Variants in IGF1 observed in about 807,000 individuals in gnomAD.
IGF1 encodes the protein insulin-like growth factor 1.
IGF1 carries 4 observed loss-of-function variants against 13.8 expected under a neutral mutation model. The observed-to-expected ratio is 0.29, with a 90% CI of 0.14 to 0.66. The LOEUF (loss-of-function observed/expected upper bound fraction) is 0.66, where lower values mean the gene tolerates loss of function less well. Ranked by LOEUF, IGF1 falls within the 30% of genes least tolerant of loss-of-function variation. The pLI is 0.78. For synonymous variants in IGF1, 76 were observed against 72.6 expected, an observed-to-expected ratio of 1.05 and a Z score of -0.23; for missense variants, 124 against 188.5, an observed-to-expected ratio of 0.66 and a Z score of 2.00.
intron 2 of IGF1, among the ~76,000 whole-genome samples, chr12:102,452,545 T>TTTG (rs755157297): frequency 8.5e-5 from 13 of 152,170 alleles, no homozygotes; most frequent in Non-Finnish European, 1.6e-4. Context: ...TCTGTAACAC[T>TTTG]CAATCTGTGT....
At chr12:102,405,775 C>T (rs935416734) in intron 3 of IGF1, among the ~76,000 whole-genome samples, 2 of 152,180 alleles carry the variant, frequency 1.3e-5, no homozygotes, top group African/African-American at 4.8e-5. Flanking sequence ...TCCATTCTTC[C>T]TCTCAAGCCA....
intron 2 of IGF1, among the ~76,000 whole-genome samples, chr12:102,441,957 T>TCTTCTTCTTCTTCTTCTTCTTCTTCC (rs71438463): frequency 7.4e-6 from 1 of 134,678 alleles, no homozygotes; most frequent in African/African-American, 2.7e-5. Context: ...TTCTTCTTCT[T>TCTTCTTCTTCTTCTTCTTCTTCTTCC]TTTTTTTTTT....
At chr12:102,474,999 C>T (rs1165946283) in intron 2 of IGF1, among the ~76,000 whole-genome samples, 3 of 152,106 alleles carry the variant, frequency 2.0e-5, no homozygotes, top group Non-Finnish European at 4.4e-5. Flanking sequence ...CGGAGAAGAA[C>T]TATGCCAAAA....
chr12:102,475,755 C>T lies in IGF1; in HGVS notation c.108G>A (p.Ala36=), dbSNP rs371125874. Residue 36 remains alanine, a synonymous_variant, in exon 2 of 4, where the codon GCG becomes GCA. Coordinates refer to ENST00000337514, the MANE Select transcript of IGF1 (RefSeq NM_000618.5). ...TMSSSHLFYL[A]LCLLTFTSSA... ...AGCTGGTGAAGGTGAGCAGGCACAGCGCCAGGTAGAAGAGATGCGAGGAGG... is the reference window on the plus strand; with the variant it reads ...AGCTGGTGAAGGTGAGCAGGCACAGTGCCAGGTAGAAGAGATGCGAGGAGG... The T allele has an allele frequency of 2.7e-5, 43 of 1,614,028 alleles. No homozygotes were observed. The highest frequency in any genetic ancestry group is 6.7e-5 in the East Asian group (3 of 44,890).
At chr12:102,476,685 A>G (rs1442854004) in intron 1 of IGF1, among the ~76,000 whole-genome samples, 2 of 152,196 alleles carry the variant, frequency 1.3e-5, no homozygotes, top group African/African-American at 4.8e-5. Flanking sequence ...TAGTCACAGG[A>G]ATTATGGCTT....
At chr12:102,407,369 T>C (rs1410290449) in intron 3 of IGF1, among the ~76,000 whole-genome samples, 1 of 152,212 alleles carries the variant, frequency 6.6e-6, no homozygotes, top group African/African-American at 2.4e-5. Flanking sequence ...CAGTTCCCAT[T>C]ACTTGAACAT....
chr12:102,442,048 C>G (rs1293505099), intron 2 of IGF1, among the ~76,000 whole-genome samples: 1 of 151,378 alleles, frequency 6.6e-6, no homozygotes, highest in Non-Finnish European at 1.5e-5. Flanking sequence ...CTCTCAGGCT[C>G]AAGAGATCCT....
chr12:102,475,492 A>G (rs1880960050), intron 2 of IGF1, 151 bp downstream of exon 2: 3 of 879,246 alleles, frequency 3.4e-6, no homozygotes, highest in Non-Finnish European at 3.6e-6. Context: ...CCAAAACACT[A>G]TGCTTACTTT....
At chr12:102,427,738 A>G (rs1876335822) in intron 2 of IGF1, among the ~76,000 whole-genome samples, 1 of 152,146 alleles carries the variant, frequency 6.6e-6, no homozygotes, top group Admixed American at 6.5e-5. Context: ...AAACTGTTGG[A>G]AGACAGCCTC....
intron 2 of IGF1, among the ~76,000 whole-genome samples, chr12:102,454,102 T>A (rs548217884): frequency 1.3e-5 from 2 of 152,354 alleles, no homozygotes; most frequent in African/African-American, 4.8e-5. Context: ...GGATGTCTCA[T>A]GCACCTGCAA....
At chr12:102,452,261 CAAAAAAAAAAAAAAAA>C (rs538007224) in intron 2 of IGF1, among the ~76,000 whole-genome samples, 1 of 42,158 alleles carries the variant, frequency 2.4e-5, no homozygotes, top group Non-Finnish European at 3.7e-5. Context: ...GACTCCGTCT[CAAAAAAAAAAAAAAAA>C]AAAAAAAAAA....
intron 2 of IGF1, among the ~76,000 whole-genome samples, chr12:102,436,529 A>C (rs1877233998): frequency 1.3e-5 from 2 of 152,118 alleles, no homozygotes; most frequent in Admixed American, 6.5e-5. Context: ...GAGAGAAGCC[A>C]AAAAGGCAGT....
At chr12:102,405,970 T>C (rs1206287173) in intron 3 of IGF1, among the ~76,000 whole-genome samples, 1 of 152,246 alleles carries the variant, frequency 6.6e-6, no homozygotes, top group Non-Finnish European at 1.5e-5. Context: ...AAGTGTAAAG[T>C]CTGAGCGGAG....
intron 2 of IGF1, among the ~76,000 whole-genome samples, chr12:102,442,423 C>A (rs1877942335): frequency 6.6e-6 from 1 of 152,054 alleles, no homozygotes; most frequent in Admixed American, 6.6e-5. Context: ...GTGGGTGATG[C>A]AAAATAGGTA....
chr12:102,456,221 GGTGT>G (rs59075811), intron 2 of IGF1, among the ~76,000 whole-genome samples: 42,295 of 139,966 alleles, frequency 0.3, 7,042 homozygotes, highest in East Asian at 0.41. Flanking sequence ...ATTTAAAAAA[GGTGT>G]GTGTGTGTGT....
rs76876335 is a variant in IGF1, at chr12:102,397,211, A to G, written c.*5296T>C. Reference sequence around the variant, plus strand: ...TGCGAGACCCCATCTCACAAAAAGGAAAAAAAAAAAGAGGGAACACGTGAA... The same window carrying G: ...TGCGAGACCCCATCTCACAAAAAGGGAAAAAAAAAAGAGGGAACACGTGAA... On this transcript the variant is annotated 3_prime_UTR_variant, in exon 4 of 4. Transcript: ENST00000337514. The G allele has an allele frequency of 1.9e-5, 3 of 154,674 alleles. No individual in the cohort carries two copies. The highest frequency in any genetic ancestry group is 6.8e-5 in the Admixed American group (1 of 14,766). The allele number at this position is 154,674 out of a possible 1,614,324, so 9.6% of individuals were successfully genotyped here. A position where few individuals can be genotyped will look rare whatever the true frequency, so the allele number is the denominator to read the frequency against.
intron 2 of IGF1, among the ~76,000 whole-genome samples, chr12:102,455,356 C>T (rs189704852): frequency 6.6e-6 from 1 of 152,196 alleles, no homozygotes; most frequent in Non-Finnish European, 1.5e-5. Flanking sequence ...AGAGAGAGGT[C>T]ACACACAGAA....
At chr12:102,450,357 A>T (rs1878808326) in intron 2 of IGF1, among the ~76,000 whole-genome samples, 1 of 152,192 alleles carries the variant, frequency 6.6e-6, no homozygotes, top group African/African-American at 2.4e-5. Context: ...CAGGAATTGT[A>T]TTTGCCTTTT....
chr12:102,412,372 A>G (rs954162182), intron 3 of IGF1, among the ~76,000 whole-genome samples: 23 of 152,082 alleles, frequency 1.5e-4, no homozygotes, highest in African/African-American at 5.3e-4. Context: ...GGGTGCAACA[A>G]TGCTAGAACA....
Sources: allele counts gnomAD v4.1 joint callset (sites outside exome capture counted in the v4.1 genomes callset), GRCh38; gene constraint gnomAD v4.1.1; transcripts MANE v1.5; gene names NCBI Gene and HGNC (gene_info 2026-07-23, HGNC 2026-07-21).